SERPINB6: variants seen among roughly 807,000 people sequenced by gnomAD.
SERPINB6 encodes serpin B6.
In SERPINB6, 16 loss-of-function variants were observed where a neutral mutation model predicts 26.1. The ratio of observed to expected loss-of-function variants is 0.61; its 90% CI spans 0.42 to 0.93. The LOEUF (loss-of-function observed/expected upper bound fraction) is 0.93, where lower values mean the gene tolerates loss of function less well. Among genes scored for constraint, SERPINB6 ranks in the 40% least tolerant of loss-of-function variants. The pLI, the probability that SERPINB6 is intolerant of heterozygous loss-of-function variation, is 0.00. For synonymous variants in SERPINB6, 174 were observed against 176.6 expected (o/e 0.99, Z 0.11); for missense variants, 420 against 478.0 (o/e 0.88, Z 1.13).
At chr6:2,971,398 G>T (rs1303284952) in intron 1 of SERPINB6, 135 bp downstream of exon 1, 1 of 164,372 alleles carries the variant, frequency 6.1e-6, no homozygotes, top group African/African-American at 2.4e-5. Flanking sequence ...CCCGCGCGCC[G>T]TCGACCCACG....
intron 1 of SERPINB6, among the ~76,000 whole-genome samples, chr6:2,965,422 A>T (rs1291847894): frequency 2.1e-5 from 3 of 144,424 alleles, no homozygotes; most frequent in Admixed American, 2.0e-4. Flanking sequence ...GGCTGGTCAG[A>T]CTAATTTTTT....
At chr6:2,971,045 G>T in intron 1 of SERPINB6, 1 of 1,190,748 alleles carries the variant, frequency 8.4e-7, no homozygotes, top group Non-Finnish European at 1.0e-6. Flanking sequence ...GGCGCCCCAA[G>T]ACTGAGCACG....
intron 1 of SERPINB6, chr6:2,960,490 G>A (rs1770978980): frequency 6.6e-6 from 1 of 152,268 alleles, no homozygotes; most frequent in East Asian, 1.9e-4. Flanking sequence ...CTCTGACACA[G>A]TTCTCAGATG....
In SERPINB6 at chr6:2,948,250, G is replaced by A. The variant is rs1769324796; in HGVS notation, c.*48C>T. 3 of 1,609,560 alleles carry A rather than the reference G, an allele frequency of 1.9e-6. No homozygotes were observed. The highest frequency in any genetic ancestry group is 2.7e-5 in the African/African-American group (2 of 74,826). ...TTGGGTTGCAGGCACACTGTGGAGT[G>A]TCAGGGGACAGAGAGGAGAGGGGCT... On this transcript the variant is annotated 3_prime_UTR_variant, in exon 7 of 7. Coordinates refer to ENST00000380539, the MANE Select transcript of SERPINB6 (RefSeq NM_004568.6). This position sits in a 1 kb window ranked among gnomAD's most constrained non-coding sequence, Gnocchi z 5.0.
chr6:2,960,116 GC>G (rs1300143487), intron 1 of SERPINB6: 1 of 153,696 alleles, frequency 6.5e-6, no homozygotes, highest in Non-Finnish European at 1.4e-5. Context: ...CTCTAGCCCT[GC>G]CGTGCAGTGG....
intron 4 of SERPINB6, 102 bp downstream of exon 4, chr6:2,954,490 A>G (rs1212115310): frequency 3.3e-5 from 33 of 990,028 alleles, no homozygotes; most frequent in Non-Finnish European, 5.1e-5. Flanking sequence ...TATTCAGAGA[A>G]AAAAAAATCA....
At chr6:2,971,303 G>A in intron 1 of SERPINB6, 4 of 529,116 alleles carry the variant, frequency 7.6e-6, no homozygotes, top group Non-Finnish European at 9.7e-6. Flanking sequence ...ACCCAAGCCG[G>A]ACGCTCGCCC....
Position 2,949,069 on chromosome 6 carries a change from T to C in SERPINB6, c.574A>G (p.Asn192Asp), listed in dbSNP as rs764004468. The stretch of plus-strand genomic sequence containing the variant: ...ATCATTTGCACAGGTTTCTCCTCAT[T>C]CTACAAAGAAAACAGATAAACATCA... ...TEERLFKVSK[N>D]EEKPVQMMFK... The change falls in exon 6 of 7, where the codon AAT (asparagine) becomes GAT (aspartate). Residue 192 changes from asparagine to aspartate, a missense_variant and splice_region_variant. Transcript: ENST00000380539. 6.2e-7 allele frequency: 1 copy of C among 1,613,996 alleles called. No individual in the cohort carries two copies. Among genetic ancestry groups the C allele is most frequent in the South Asian group, 1.1e-5 (1 of 91,068 alleles).
intron 2 of SERPINB6, 102 bp downstream of exon 2, chr6:2,959,066 T>A: frequency 6.7e-7 from 1 of 1,483,450 alleles, no homozygotes; most frequent in Non-Finnish European, 9.3e-7. Flanking sequence ...CACCCTGCAA[T>A]ACTGCACAGT....
intron 1 of SERPINB6, chr6:2,970,919 G>A (rs1214744505): frequency 3.3e-6 from 4 of 1,229,486 alleles, no homozygotes; most frequent in Non-Finnish European, 4.1e-6. Flanking sequence ...AAAGTGCTGC[G>A]GATTGGCCAA....
chr6:2,968,679 C>A, intron 1 of SERPINB6: 1 of 1,229,588 alleles, frequency 8.1e-7, no homozygotes, highest in Non-Finnish European at 1.0e-6. Context: ...TTATTTAGGT[C>A]TCTCTTTTGT....
intron 2 of SERPINB6, 81 bp downstream of exon 2, chr6:2,959,087 G>A (rs1011947491): frequency 2.6e-5 from 40 of 1,568,234 alleles, no homozygotes; most frequent in South Asian, 2.3e-4. Context: ...CATCCGTCTC[G>A]AGCGATCCCT....
At position 2,948,308 on chromosome 6, in the gene SERPINB6, G is replaced by C; in HGVS notation, c.1121C>G (p.Ser374Cys). ...AAGACTGCCCTGTCCTCACGGAGAG[G>C]AAAAGCGGCCGCAGAAGAGAATCCC... ...TNGILFCGRF[S>C]SP Residue 374 changes from serine to cysteine, a missense_variant, in exon 7 of 7, where the codon TCC (serine) becomes TGC (cysteine). Ser to Cys is a moderately radical substitution (Grantham distance 112, BLOSUM62 -1). Coordinates refer to ENST00000380539, the MANE Select transcript of SERPINB6 (RefSeq NM_004568.6). The surrounding 1 kb of genome is among the most constrained non-coding windows in gnomAD (Gnocchi z 5.0). 1 of 1,613,574 alleles carries C rather than the reference G, an allele frequency of 6.2e-7. No homozygotes were observed. Among genetic ancestry groups the C allele is most frequent in the Non-Finnish European group, 8.5e-7 (1 of 1,179,946 alleles).
At chr6:2,966,283 A>C in intron 1 of SERPINB6, 1 of 856,064 alleles carries the variant, frequency 1.2e-6, no homozygotes, top group Non-Finnish European at 1.4e-6. Context: ...CTTATTAATG[A>C]GCTTGGGCTT....
chr6:2,955,768 T>A (rs1770404567), intron 2 of SERPINB6, 98 bp from the exon 3 acceptor site: 1 of 1,315,700 alleles, frequency 7.6e-7, no homozygotes, highest in Non-Finnish European at 1.1e-6. Context: ...ATCCAGACCC[T>A]TATTACTGCT....
intron 1 of SERPINB6, chr6:2,966,540 T>A: frequency 9.6e-6 from 3 of 314,070 alleles, no homozygotes; most frequent in African/African-American, 2.3e-5. Context: ...TGGAGTCTTG[T>A]AGGAGAGTGA....
In SERPINB6 at chr6:2,969,618, T is replaced by C. The variant is rs147305313; in HGVS notation, c.-11+1915A>G. 102 of 985,396 alleles carry C rather than the reference T, an allele frequency of 1.0e-4. No individual in the cohort carries two copies. The East Asian group carries it at 8.8e-3, about 85-fold the overall frequency. 61.0% of individuals were successfully genotyped at this position (985,396 alleles called of 1,614,324 possible). A position where few individuals can be genotyped will look rare whatever the true frequency, so the allele number is the denominator to read the frequency against. ...TTGATTTTATTCAACTAATCAAGTCTTAATTTTTTTTTAGGTGTCACTATT... is the reference window on the plus strand; with the variant it reads ...TTGATTTTATTCAACTAATCAAGTCCTAATTTTTTTTTAGGTGTCACTATT... On this transcript the variant is annotated intron_variant, in intron 1 of 6. Transcript: ENST00000380539.
chr6:2,953,683 A>G (rs114326103), intron 4 of SERPINB6, among the ~76,000 whole-genome samples: 248 of 152,274 alleles, frequency 1.6e-3, no homozygotes, highest in African/African-American at 5.6e-3. Context: ...AAAATTTATT[A>G]AAATTAGCTG....
At position 2,959,592 on chromosome 6, in the gene SERPINB6, CCG is replaced by C. The variant is rs1294226937; in HGVS notation, c.-10-252_-10-251del. The stretch of plus-strand genomic sequence containing the variant: ...TGAGGACTCCTCCCTGCACGCCTGC[CCG>C]CACGTGGAGAAAGTGGGAAGGAGGC... On this transcript the variant is annotated intron_variant, in intron 1 of 6. Transcript: ENST00000380539. The C allele has an allele frequency of 1.2e-5, 6 of 521,070 alleles. No individual in the cohort carries two copies. The Admixed American group carries it at 1.9e-4, about 17-fold the overall frequency. 32.3% of individuals were successfully genotyped at this position (521,070 alleles called of 1,614,324 possible). A position where few individuals can be genotyped will look rare whatever the true frequency, so the allele number is the denominator to read the frequency against.
Sources: allele counts gnomAD v4.1 joint callset (sites outside exome capture counted in the v4.1 genomes callset), GRCh38; gene constraint gnomAD v4.1.1; non-coding constraint Gnocchi (gnomAD v3.1); transcripts MANE v1.5; gene names NCBI Gene and HGNC (gene_info 2026-07-23, HGNC 2026-07-21).